Variants in LYRM4 observed in about 807,000 individuals in gnomAD.
LYRM4 encodes the protein LYR motif-containing protein 4.
In LYRM4, 9 loss-of-function variants were observed where a neutral mutation model predicts 11.7. That is an observed-to-expected ratio of 0.77 (90% CI 0.46 to 1.34). The LOEUF is 1.34. Among genes scored for constraint, LYRM4 ranks in the 40% most tolerant of loss-of-function variants. The pLI is 0.00. For synonymous variants in LYRM4, 42 were observed against 40.4 expected (o/e 1.04, Z -0.15); for missense variants, 133 against 112.5 (o/e 1.18, Z -0.82).
At position 5,233,115 on chromosome 6, in the gene LYRM4, G is replaced by A. The variant is rs184517950; in HGVS notation, c.87-16377C>T. 1.2e-4 allele frequency among the ~76,000 whole-genome samples: 19 copies of A among 152,290 alleles called. No individual in the cohort carries two copies. The East Asian group carries it at 2.3e-3, about 19-fold the overall frequency. On this transcript the variant is annotated intron_variant, in intron 1 of 2. Coordinates refer to ENST00000330636, the MANE Select transcript of LYRM4 (RefSeq NM_020408.6). Reference sequence around the variant, plus strand: ...GTATGCAGAGGCTCAACTGGACGACGTCCTCACTGCCTTCTCTCTGAAGAC... The same window carrying A: ...GTATGCAGAGGCTCAACTGGACGACATCCTCACTGCCTTCTCTCTGAAGAC...
At chr6:5,193,221 C>T (rs1323892031) in intron 2 of LYRM4, among the ~76,000 whole-genome samples, 4 of 151,950 alleles carry the variant, frequency 2.6e-5, no homozygotes. Context: ...GGGCTTTCTT[C>T]TCCTATGAGT....
intron 1 of LYRM4, among the ~76,000 whole-genome samples, chr6:5,221,772 T>G (rs984309228): frequency 6.6e-6 from 1 of 152,242 alleles, no homozygotes; most frequent in African/African-American, 2.4e-5. Context: ...AGAATCTTCA[T>G]GCAGTCAACT....
rs1261716104 is a variant in LYRM4 at position 5,259,496 on chromosome 6, A to C, written c.86+1152T>G. 2.6e-5 allele frequency among the ~76,000 whole-genome samples: 4 copies of C among 152,240 alleles called. No homozygotes were observed. The South Asian group carries it at 6.2e-4, about 24-fold the overall frequency. Reference sequence around the variant, plus strand: ...ATGCTGTTTTCAAATTTGCAGCATGAGTATATTTTCCAGGCGGGTTTCTAA... The same window carrying C: ...ATGCTGTTTTCAAATTTGCAGCATGCGTATATTTTCCAGGCGGGTTTCTAA... On this transcript the variant is annotated intron_variant, in intron 1 of 2. Transcript: ENST00000330636.
chr6:5,144,380 GTAAT>G lies in LYRM4; in HGVS notation c.208-34893_208-34890del, dbSNP rs1757580974. On this transcript the variant is annotated intron_variant, in intron 2 of 2. Coordinates refer to ENST00000330636, the MANE Select transcript of LYRM4 (RefSeq NM_020408.6). ...AGGCCGGGTGCGGTGGCTGAAGCCTGTAATTCCAGCACTTTGGGAGGCTGAGGCG... is the reference window on the plus strand; with the variant it reads ...AGGCCGGGTGCGGTGGCTGAAGCCTGTCCAGCACTTTGGGAGGCTGAGGCG... 5.3e-5 allele frequency: 61 copies of G among 1,151,856 alleles called. 1 individual carries two copies. The South Asian group carries it at 7.5e-4, about 14-fold the overall frequency. The allele number at this position is 1,151,856 out of a possible 1,614,324, so 71.4% of individuals were successfully genotyped here.
At chr6:5,052,603 T>G in the LYRM4 span, among the ~76,000 whole-genome samples, 3 of 152,220 alleles carry the variant, frequency 2.0e-5, no homozygotes, top group Non-Finnish European at 4.4e-5. Flanking sequence ...TGGCCCAGTG[T>G]ATAACTTCAG....
At chr6:5,085,468 C>A in the LYRM4 span, 1 of 1,521,516 alleles carries the variant, frequency 6.6e-7, no homozygotes, top group Non-Finnish European at 8.8e-7. Flanking sequence ...CCGAGCAAGT[C>A]CAGGGGCGAA....
the LYRM4 span, among the ~76,000 whole-genome samples, chr6:5,051,765 A>T: frequency 6.6e-6 from 1 of 152,120 alleles, no homozygotes; most frequent in Non-Finnish European, 1.5e-5. Context: ...TAGGATTCTC[A>T]TGTCTGGAAA....
In LYRM4 at chr6:5,160,461, G is replaced by A. The variant is rs186323980; in HGVS notation, c.208-50970C>T. 1.4e-4 allele frequency among the ~76,000 whole-genome samples: 21 copies of A among 152,160 alleles called. 1 individual carries two copies. Among genetic ancestry groups the A allele is most frequent in the South Asian group, 6.2e-4 (3 of 4,812 alleles). ...TGAATCATGGGGGCGGGTCTTTTCC[G>A]TGCTGTTCTTGTGGTAGTGACTAAG... On this transcript the variant is annotated intron_variant, in intron 2 of 2. Coordinates refer to ENST00000330636, the MANE Select transcript of LYRM4 (RefSeq NM_020408.6).
intron 2 of LYRM4, among the ~76,000 whole-genome samples, chr6:5,174,926 C>G (rs1377382337): frequency 1.3e-5 from 2 of 152,176 alleles, no homozygotes; most frequent in African/African-American, 4.8e-5. Context: ...GCTCCTCAGC[C>G]AATTCAGCTT....
At chr6:5,120,721 C>A (rs1763412524) in intron 2 of LYRM4, among the ~76,000 whole-genome samples, 1 of 152,118 alleles carries the variant, frequency 6.6e-6, no homozygotes, top group Admixed American at 6.5e-5. Context: ...TTTTGCGAAC[C>A]TCTAGCTAGC....
intron 2 of LYRM4, among the ~76,000 whole-genome samples, chr6:5,135,262 A>G (rs112732650): frequency 0.037 from 6 of 162 alleles, 2 homozygotes; most frequent in Non-Finnish European, 0.054. Flanking sequence ...CACTCCCGGG[A>G]CTGTGGAGGG....
chr6:5,127,850 T>A (rs921007941), intron 2 of LYRM4, among the ~76,000 whole-genome samples: 57 of 152,248 alleles, frequency 3.7e-4, no homozygotes, highest in African/African-American at 1.3e-3. Flanking sequence ...GTGGGTTTTT[T>A]AAAACCTGTG....
the LYRM4 span, chr6:5,085,352 C>T: frequency 1.6e-6 from 1 of 643,732 alleles, no homozygotes; most frequent in Non-Finnish European, 2.6e-6. Context: ...GTTGTCTTGT[C>T]GAGCCTGGGG....
intron 2 of LYRM4, among the ~76,000 whole-genome samples, chr6:5,118,641 A>T (rs1763257118): frequency 6.6e-6 from 1 of 152,176 alleles, no homozygotes; most frequent in South Asian, 2.1e-4. Flanking sequence ...GCCACTGTCA[A>T]GTCACCAGCG....
At chr6:5,232,789 T>C (rs1763317043) in intron 1 of LYRM4, among the ~76,000 whole-genome samples, 1 of 152,354 alleles carries the variant, frequency 6.6e-6, no homozygotes, top group Non-Finnish European at 1.5e-5. Flanking sequence ...CTGAGTTTTC[T>C]ATACGCATAA....
At chr6:5,173,430 T>C (rs983746535) in intron 2 of LYRM4, among the ~76,000 whole-genome samples, 3 of 152,242 alleles carry the variant, frequency 2.0e-5, no homozygotes, top group South Asian at 2.1e-4. Flanking sequence ...TTCTCGAGAT[T>C]TGTAGGGCTA....
At chr6:5,236,143 C>T (rs1446588157) in intron 1 of LYRM4, 4 of 152,124 alleles carry the variant, frequency 2.6e-5, no homozygotes, top group Non-Finnish European at 4.4e-5. Context: ...TAGACAATGG[C>T]TGTAAGCTCA....
the LYRM4 span, chr6:5,088,571 G>C: frequency 6.6e-6 from 1 of 152,224 alleles, no homozygotes; most frequent in Non-Finnish European, 1.5e-5. Flanking sequence ...GAGTGGAGTA[G>C]ACACAGCAGA....
intron 2 of LYRM4, among the ~76,000 whole-genome samples, chr6:5,169,584 G>A (rs1302539183): frequency 6.6e-6 from 1 of 152,148 alleles, no homozygotes; most frequent in Non-Finnish European, 1.5e-5. Flanking sequence ...TAATGAGAAT[G>A]AGAGTAGACA....
Sources: gnomAD v4.1 joint callset for allele counts (sites outside exome capture counted in the v4.1 genomes callset) on GRCh38, gnomAD v4.1.1 for gene constraint, MANE v1.5 for transcripts, NCBI Gene and HGNC (gene_info 2026-07-23, HGNC 2026-07-21) for gene names.